Variants in CPNE8 observed in about 807,000 individuals in gnomAD.
CPNE8 encodes copine 8, also known as copine-8.
Under a neutral mutation model 81.5 loss-of-function variants are expected in CPNE8, and 45 were observed. The ratio of observed to expected loss-of-function variants is 0.55; its 90% CI spans 0.44 to 0.71. The LOEUF is 0.71. Among genes scored for constraint, CPNE8 ranks in the 30% least tolerant of loss-of-function variants. The probability of loss-of-function intolerance (pLI) is 0.00; values close to 1 mark genes in which losing one functional copy is unlikely to be tolerated. For missense variants in CPNE8, 594 were observed against 672.1 expected, an observed-to-expected ratio of 0.88 and a Z score of 1.28; for synonymous variants, 252 against 226.3, an observed-to-expected ratio of 1.11 and a Z score of -1.02.
chr12:38,654,081 GA>G lies in CPNE8; in HGVS notation c.1507-12del. On this transcript the variant is annotated splice_polypyrimidine_tract_variant and intron_variant, in intron 19 of 19. Coordinates refer to ENST00000331366, the MANE Select transcript of CPNE8 (RefSeq NM_153634.3). ...CCTGAATGGCACAAACTAAAACAGA[GA>G]CGAAAGAAAGTTATTTCACAGACTT... The G allele has an allele frequency of 6.4e-7, 1 of 1,573,128 alleles. No individual in the cohort carries two copies. The highest frequency in any genetic ancestry group is 8.6e-7 in the Non-Finnish European group (1 of 1,159,624).
At chr12:38,898,747 C>T (rs117324181) in intron 1 of CPNE8, among the ~76,000 whole-genome samples, 14 of 152,244 alleles carry the variant, frequency 9.2e-5, no homozygotes, top group Admixed American at 2.0e-4. Context: ...TTCCTTTCAC[C>T]GCAGATCATT....
At chr12:38,712,198 T>G (rs544343786) in intron 13 of CPNE8, among the ~76,000 whole-genome samples, 1 of 150,008 alleles carries the variant, frequency 6.7e-6, no homozygotes, top group Admixed American at 6.6e-5. Context: ...TCCAATGCAA[T>G]GATGCCATTT....
intron 3 of CPNE8, among the ~76,000 whole-genome samples, chr12:38,870,701 T>G (rs1373801473): frequency 6.6e-6 from 1 of 152,038 alleles, no homozygotes; most frequent in Non-Finnish European, 1.5e-5. Context: ...AGATGACGGG[T>G]TGACAGGTGC....
At position 38,796,609 on chromosome 12, in the gene CPNE8, C is replaced by T. The variant is rs538347189; in HGVS notation, c.408-20308G>A. On this transcript the variant is annotated intron_variant, in intron 6 of 19. Coordinates refer to ENST00000331366, the MANE Select transcript of CPNE8 (RefSeq NM_153634.3). ...AACAGCTCCGGTCTACAGCTCCCAG[C>T]GTGAGTGACGCAGAAGACGGGGGAT... is the stretch of plus-strand genomic sequence containing the variant. Among the ~76,000 whole-genome samples, 6 of 152,232 alleles carry T rather than the reference C, an allele frequency of 3.9e-5. No homozygotes were observed. In the South Asian group the frequency reaches 8.3e-4, roughly 21 times the overall value.
chr12:38,675,391 C>T (rs1388859618), intron 18 of CPNE8, among the ~76,000 whole-genome samples: 1 of 152,096 alleles, frequency 6.6e-6, no homozygotes, highest in African/African-American at 2.4e-5. Flanking sequence ...AACAAAAACT[C>T]AATTTATCAC....
At chr12:38,737,022 C>T (rs1240546158) in intron 10 of CPNE8, among the ~76,000 whole-genome samples, 3 of 151,984 alleles carry the variant, frequency 2.0e-5, no homozygotes, top group South Asian at 2.1e-4. Context: ...TTAGCTTGAA[C>T]GCTAATCTCT....
chr12:38,902,228 A>G (rs1310262799), intron 1 of CPNE8, among the ~76,000 whole-genome samples: 1 of 130,742 alleles, frequency 7.6e-6, no homozygotes, highest in Non-Finnish European at 1.5e-5. Flanking sequence ...AGAAAGAGAA[A>G]GAAGGAAAGA....
At chr12:38,761,007 C>T (rs1941561303) in intron 9 of CPNE8, 119 bp from the exon 10 acceptor site, 1 of 738,236 alleles carries the variant, frequency 1.4e-6, no homozygotes, top group Non-Finnish European at 2.2e-6. Context: ...GCAGATTTTA[C>T]ATATGAATTT....
chr12:38,832,245 C>CA (rs1280018809), intron 5 of CPNE8, among the ~76,000 whole-genome samples: 2 of 152,138 alleles, frequency 1.3e-5, no homozygotes, highest in Non-Finnish European at 2.9e-5. Flanking sequence ...TTCATACCTA[C>CA]AAGAAGCACG....
At chr12:38,756,542 G>C (rs1941463236) in intron 10 of CPNE8, among the ~76,000 whole-genome samples, 1 of 151,972 alleles carries the variant, frequency 6.6e-6, no homozygotes, top group African/African-American at 2.4e-5. Context: ...TTTTCATAGA[G>C]ACAGGGTCTT....
At chr12:38,770,912 G>A (rs1043652736) in intron 7 of CPNE8, among the ~76,000 whole-genome samples, 1 of 152,050 alleles carries the variant, frequency 6.6e-6, no homozygotes, top group African/African-American at 2.4e-5. Flanking sequence ...TGAATCACTT[G>A]TCACATATCA....
At chr12:38,768,883 A>AAAGAGGTT (rs1941744604) in intron 7 of CPNE8, among the ~76,000 whole-genome samples, 1 of 152,188 alleles carries the variant, frequency 6.6e-6, no homozygotes, top group Non-Finnish European at 1.5e-5. Flanking sequence ...CAGATTAAAC[A>AAAGAGGTT]AAGAGGTTAC....
At position 38,685,512 on chromosome 12, in the gene CPNE8, G is replaced by A. The variant is rs1300350490; in HGVS notation, c.1249C>T (p.Pro417Ser). The A allele has an allele frequency of 1.2e-6, 2 of 1,613,290 alleles. No homozygotes were observed. Among genetic ancestry groups the A allele is most frequent in the Non-Finnish European group, 8.5e-7 (1 of 1,179,484 alleles). ...TACCTTGCTACATGATTAATTACAG[G>A]AGCAAAGTTGGTGGGCCCATATAGT... ...VQLYGPTNFA[P>S]VINHVARYAS... Residue 417 changes from proline to serine, a missense_variant, in exon 16 of 20, where the codon CCT becomes TCT. Transcript: ENST00000331366.
chr12:38,874,124 A>G (rs1207405257), intron 2 of CPNE8, among the ~76,000 whole-genome samples: 2 of 151,824 alleles, frequency 1.3e-5, no homozygotes, highest in Non-Finnish European at 2.9e-5. Flanking sequence ...AAAAAAAAAG[A>G]AAAAAAAGAA....
chr12:38,734,566 C>T (rs1193648622), intron 10 of CPNE8, among the ~76,000 whole-genome samples: 1 of 151,958 alleles, frequency 6.6e-6, no homozygotes, highest in Admixed American at 6.6e-5. Flanking sequence ...GGACCAATGG[C>T]AAATACATAC....
intron 13 of CPNE8, among the ~76,000 whole-genome samples, chr12:38,717,793 T>C (rs964196635): frequency 2.0e-5 from 3 of 151,416 alleles, no homozygotes; most frequent in African/African-American, 7.3e-5. Context: ...AATCCACCTG[T>C]ACCCCCCAAA....
chr12:38,799,596 A>C (rs1942602093), intron 6 of CPNE8, among the ~76,000 whole-genome samples: 1 of 152,182 alleles, frequency 6.6e-6, no homozygotes, highest in Non-Finnish European at 1.5e-5. Flanking sequence ...AGAAAGCAGG[A>C]AAGATCCAAA....
chr12:38,738,151 T>G (rs1486346), intron 10 of CPNE8, among the ~76,000 whole-genome samples: 130,301 of 152,014 alleles, frequency 0.86, 58,019 homozygotes, highest in Non-Finnish European at 0.99. Context: ...CAGACTGAGG[T>G]ACTCCAAAAA....
At chr12:38,781,867 A>G (rs958829938) in intron 6 of CPNE8, among the ~76,000 whole-genome samples, 2 of 152,118 alleles carry the variant, frequency 1.3e-5, no homozygotes, top group African/African-American at 4.8e-5. Flanking sequence ...AAATTTAGGG[A>G]CATTCTACAA....
Sources: gnomAD v4.1 joint callset for allele counts (sites outside exome capture counted in the v4.1 genomes callset) on GRCh38, gnomAD v4.1.1 for gene constraint, MANE v1.5 for transcripts, NCBI Gene and HGNC (gene_info 2026-07-23, HGNC 2026-07-21) for gene names.